The following PRKCB variants were observed in gnomAD, a reference collection of about 807,000 sequenced individuals.
The protein encoded by PRKCB is protein kinase C beta type.
PRKCB carries 13 observed loss-of-function variants against 81.5 expected under a neutral mutation model. The ratio of observed to expected loss-of-function variants is 0.16; its 90% confidence interval spans 0.10 to 0.25. PRKCB has a LOEUF of 0.25. PRKCB is among the 10% of genes least tolerant of loss of function. The probability of loss-of-function intolerance (pLI) is 1.00; values close to 1 mark genes in which losing one functional copy is unlikely to be tolerated. For missense variants in PRKCB, 509 were observed against 875.7 expected (o/e 0.58, Z 5.29); for synonymous variants, 335 against 321.4 (o/e 1.04, Z -0.45).
intron 12 of PRKCB, among the ~76,000 whole-genome samples, chr16:24,176,088 T>C (rs1967526718): frequency 6.6e-6 from 1 of 151,856 alleles, no homozygotes; most frequent in Non-Finnish European, 1.5e-5. Context: ...GTGGGGACCT[T>C]GTCAGAGGCT....
chr16:24,173,534 G>T (rs1457884062), intron 11 of PRKCB, among the ~76,000 whole-genome samples: 9 of 152,140 alleles, frequency 5.9e-5, no homozygotes, highest in Non-Finnish European at 1.2e-4. Flanking sequence ...TCCAAATCTA[G>T]CCATTTGTAT....
chr16:23,848,257 T>A (rs533389107), intron 2 of PRKCB, among the ~76,000 whole-genome samples: 8 of 152,022 alleles, frequency 5.3e-5, no homozygotes, highest in Non-Finnish European at 1.2e-4. Context: ...AATGGCCAAA[T>A]GTTTGAAAAA....
At chr16:24,120,690 A>G (rs1488539458) in intron 8 of PRKCB, among the ~76,000 whole-genome samples, 3 of 152,174 alleles carry the variant, frequency 2.0e-5, no homozygotes, top group Non-Finnish European at 2.9e-5. Context: ...CTGTCTCCCA[A>G]ATAGATCCAC....
intron 3 of PRKCB, among the ~76,000 whole-genome samples, chr16:24,006,721 T>C (rs1025535105): frequency 6.6e-6 from 1 of 152,032 alleles, no homozygotes; most frequent in African/African-American, 2.4e-5. Context: ...CTGGCCGAGC[T>C]CAAGTTGCCT....
At chr16:24,050,101 C>T (rs1457842765) in intron 5 of PRKCB, among the ~76,000 whole-genome samples, 3 of 152,068 alleles carry the variant, frequency 2.0e-5, no homozygotes, top group Admixed American at 6.6e-5. Flanking sequence ...ACTGGTTTCA[C>T]CCTTGGGTAA....
chr16:24,209,492 TC>T (rs1567413748), intron 16 of PRKCB, among the ~76,000 whole-genome samples: 1 of 151,680 alleles, frequency 6.6e-6, no homozygotes, highest in Admixed American at 6.6e-5. Context: ...ATACTAAATT[TC>T]CCCCCTCAAA....
chr16:23,921,204 T>C (rs1272861895), intron 2 of PRKCB, among the ~76,000 whole-genome samples: 1 of 152,150 alleles, frequency 6.6e-6, no homozygotes, highest in Admixed American at 6.5e-5. Flanking sequence ...CACAGGGTAA[T>C]GAAGAATGTG....
intron 10 of PRKCB, among the ~76,000 whole-genome samples, chr16:24,169,181 C>G (rs887865297): frequency 6.6e-6 from 1 of 152,196 alleles, no homozygotes; most frequent in East Asian, 1.9e-4. Context: ...AGCTTTGATT[C>G]CAACCTTCTG....
rs1179908684 is a variant in PRKCB, at chr16:24,215,504, T to C, written c.*688T>C. On this transcript the variant is annotated 3_prime_UTR_variant, in exon 17 of 17. Transcript: ENST00000643927. ...TCTTTGCTCACCCTCATCCCCAAAC[T>C]ACTTGAAAAGGGCATTTGGCACCAC... 1 of 985,618 alleles carries C rather than the reference T, an allele frequency of 1.0e-6. No individual in the cohort carries two copies. Among genetic ancestry groups the C allele is most frequent in the Non-Finnish European group, 1.2e-6 (1 of 829,898 alleles). 61.1% of individuals were successfully genotyped at this position (985,618 alleles called of 1,614,324 possible). A position where few individuals can be genotyped will look rare whatever the true frequency, so the allele number is the denominator to read the frequency against.
intron 2 of PRKCB, among the ~76,000 whole-genome samples, chr16:23,976,799 G>A (rs1183448270): frequency 7.2e-5 from 11 of 152,150 alleles, no homozygotes; most frequent in Non-Finnish European, 8.8e-5. Flanking sequence ...CAGTCTCCAC[G>A]TGCCACCCAA....
Position 24,215,398 on chromosome 16 carries a change from C to G in PRKCB, c.*582C>G. 2 of 986,028 alleles carry G rather than the reference C, an allele frequency of 2.0e-6. No individual in the cohort carries two copies. The highest frequency in any genetic ancestry group is 2.4e-6 in the Non-Finnish European group (2 of 830,106). The allele number at this position is 986,028 out of a possible 1,614,324, so 61.1% of individuals were successfully genotyped here. ...TTCCAAGAATGTGCTTTTAGACGGT[C>G]TCAATCTAAAAGCACTTCAAGGGGT... On this transcript the variant is annotated 3_prime_UTR_variant, in exon 17 of 17. Transcript: ENST00000643927.
chr16:24,012,095 GCAGTGAT>G (rs901072513), intron 3 of PRKCB, among the ~76,000 whole-genome samples: 8 of 152,098 alleles, frequency 5.3e-5, no homozygotes, highest in African/African-American at 1.7e-4. Flanking sequence ...ATTCCACTGA[GCAGTGAT>G]CAATTCTTGG....
chr16:24,032,345 C>T, intron 4 of PRKCB, 98 bp downstream of exon 4: 1 of 766,872 alleles, frequency 1.3e-6, no homozygotes, highest in South Asian at 1.8e-5. Context: ...CATACATTCC[C>T]CCCTGTCCTC....
chr16:24,013,693 C>A (rs1200473936), intron 3 of PRKCB, among the ~76,000 whole-genome samples: 2 of 149,214 alleles, frequency 1.3e-5, no homozygotes, highest in Non-Finnish European at 3.0e-5. Flanking sequence ...GCTGCATGAA[C>A]ATAATAGCTC....
At chr16:24,199,888 A>G (rs1014119615) in intron 16 of PRKCB, among the ~76,000 whole-genome samples, 1 of 152,226 alleles carries the variant, frequency 6.6e-6, no homozygotes, top group African/African-American at 2.4e-5. Context: ...GATTATTAGA[A>G]GCACTTGGAG....
intron 9 of PRKCB, among the ~76,000 whole-genome samples, chr16:24,150,395 T>C (rs1372390188): frequency 6.6e-6 from 1 of 152,154 alleles, no homozygotes; most frequent in East Asian, 1.9e-4. Flanking sequence ...GTATTCTCTG[T>C]TGAGGGACCC....
At position 24,216,440 on chromosome 16, in the gene PRKCB, C is replaced by T. The variant is rs368007255; in HGVS notation, c.*1624C>T. The T allele has an allele frequency of 1.0e-6, 1 of 985,328 alleles. No individual in the cohort carries two copies. The highest frequency in any genetic ancestry group is 1.1e-4 in the East Asian group (1 of 8,832). The allele number at this position is 985,328 out of a possible 1,614,324, so 61.0% of individuals were successfully genotyped here. Reference sequence around the variant, plus strand: ...AAGGCAGCAGGTGACTCCCCCTCCTCGCCTGCCGTGTCCTGCTATTCTCAG... The same window carrying T: ...AAGGCAGCAGGTGACTCCCCCTCCTTGCCTGCCGTGTCCTGCTATTCTCAG... On this transcript the variant is annotated 3_prime_UTR_variant, in exon 17 of 17. Transcript: ENST00000643927.
At chr16:24,077,487 CTCCATCCATCCATCCA>C (rs71154273) in intron 5 of PRKCB, among the ~76,000 whole-genome samples, 1 of 149,610 alleles carries the variant, frequency 6.7e-6, no homozygotes, top group Non-Finnish European at 1.5e-5. Context: ...GCATTCATCT[CTCCATCCATCCATCCA>C]TCCATCCATC....
chr16:23,967,566 T>G (rs1345811766), intron 2 of PRKCB, among the ~76,000 whole-genome samples: 1 of 151,964 alleles, frequency 6.6e-6, no homozygotes, highest in Non-Finnish European at 1.5e-5. Flanking sequence ...CAGCAGGAGG[T>G]TTTTGGAGAG....
Sources: allele counts gnomAD v4.1 joint callset (sites outside exome capture counted in the v4.1 genomes callset), GRCh38; gene constraint gnomAD v4.1.1; transcripts MANE v1.5; gene names NCBI Gene and HGNC (gene_info 2026-07-23, HGNC 2026-07-21).